Variants in GTF2E2 observed in about 807,000 individuals in gnomAD.
GTF2E2 encodes the protein general transcription factor IIE subunit 2.
Under a neutral mutation model 40.5 loss-of-function variants are expected in GTF2E2, and 21 were observed. The observed-to-expected ratio is 0.52, with a 90% CI of 0.37 to 0.75. The LOEUF is 0.75. Ranked by LOEUF, GTF2E2 falls within the 30% of genes least tolerant of loss-of-function variation. GTF2E2 has a pLI of 0.00. For missense variants in GTF2E2, 298 were observed against 338.4 expected (o/e 0.88, Z 0.94); for synonymous variants, 117 against 121.6 (o/e 0.96, Z 0.25).
intron 6 of GTF2E2, among the ~76,000 whole-genome samples, chr8:30,590,694 CT>C (rs879811892): frequency 0.017 from 2,523 of 145,574 alleles, 66 homozygotes; most frequent in African/African-American, 0.055. Context: ...AAATCAAAAA[CT>C]TTTTTTTTTT....
chr8:30,648,991 T>G lies in GTF2E2; in HGVS notation c.166+4442A>C, dbSNP rs12680582. 8.7e-4 allele frequency among the ~76,000 whole-genome samples: 133 copies of G among 152,352 alleles called. 2 individuals are homozygous for G. The East Asian group carries it at 0.02, about 23-fold the overall frequency. ...GATGAAATTCGCTACCCAATACCTG[T>G]AGCCTAAACTACAAAATGCAAAGAC... On this transcript the variant is annotated intron_variant, in intron 2 of 7. Coordinates refer to ENST00000355904, the MANE Select transcript of GTF2E2 (RefSeq NM_002095.6).
intron 2 of GTF2E2, chr8:30,645,271 T>C (rs1802024720): frequency 6.7e-7 from 1 of 1,501,232 alleles, no homozygotes. Flanking sequence ...ATTTTCTACC[T>C]TTTTTATAGA....
intron 4 of GTF2E2, among the ~76,000 whole-genome samples, chr8:30,613,953 T>C (rs958831912): frequency 1.3e-5 from 2 of 152,248 alleles, no homozygotes; most frequent in Non-Finnish European, 1.5e-5. Context: ...CAAGCCATAA[T>C]AGCAGTAATT....
chr8:30,637,336 T>C, intron 2 of GTF2E2: 3 of 455,092 alleles, frequency 6.6e-6, no homozygotes, highest in Non-Finnish European at 1.3e-5. Flanking sequence ...CAATTATGAA[T>C]CACAAACAGT....
At chr8:30,602,140 C>T (rs1563481607) in intron 6 of GTF2E2, among the ~76,000 whole-genome samples, 1 of 152,018 alleles carries the variant, frequency 6.6e-6, no homozygotes, top group Non-Finnish European at 1.5e-5. Flanking sequence ...GTTTCAGCCT[C>T]CCAGGTAGCT....
chr8:30,641,250 A>G (rs1801813150), intron 2 of GTF2E2, among the ~76,000 whole-genome samples: 1 of 152,200 alleles, frequency 6.6e-6, no homozygotes, highest in South Asian at 2.1e-4. Context: ...TTTACAACAT[A>G]AACCTGACCT....
chr8:30,649,662 T>C (rs1037054216), intron 2 of GTF2E2, among the ~76,000 whole-genome samples: 3 of 152,104 alleles, frequency 2.0e-5, no homozygotes, highest in Non-Finnish European at 2.9e-5. Flanking sequence ...CTGACCAACA[T>C]GGCAAAACCC....
intron 2 of GTF2E2, chr8:30,643,448 G>A (rs1256292598): frequency 6.6e-6 from 1 of 152,242 alleles, no homozygotes; most frequent in Admixed American, 6.5e-5. Context: ...CACAAGGTCA[G>A]GAGTTTGAGA....
intron 2 of GTF2E2, chr8:30,643,715 C>A (rs12676308): frequency 6.7e-6 from 1 of 149,002 alleles, no homozygotes; most frequent in Admixed American, 6.7e-5. Context: ...TCAGATCATA[C>A]AAATCTCTCA....
chr8:30,646,929 G>A (rs375003641), intron 2 of GTF2E2, among the ~76,000 whole-genome samples: 8 of 123,368 alleles, frequency 6.5e-5, no homozygotes, highest in South Asian at 5.6e-4. Context: ...GCAGTGAGCC[G>A]AGATGATGCC....
At chr8:30,583,802 A>AT (rs34330402) in intron 6 of GTF2E2, among the ~76,000 whole-genome samples, 74 of 149,668 alleles carry the variant, frequency 4.9e-4, no homozygotes, top group East Asian at 2.4e-3. Context: ...TATTTATTTT[A>AT]TTTATTTATT....
chr8:30,635,019 G>T lies in GTF2E2; in HGVS notation c.258+13C>A. On this transcript the variant is annotated intron_variant, in intron 3 of 7. Coordinates refer to ENST00000355904, the MANE Select transcript of GTF2E2 (RefSeq NM_002095.6). ...GTTAAATAGGACTTTTGCTATCTGA[G>T]AAAAGTACTTACCTTCATGTAATTC... 6.9e-7 allele frequency: 1 copy of T among 1,449,394 alleles called. No homozygotes were observed. Among genetic ancestry groups the T allele is most frequent in the Non-Finnish European group, 9.6e-7 (1 of 1,040,204 alleles). 89.8% of individuals were successfully genotyped at this position (1,449,394 alleles called of 1,614,324 possible). A position where few individuals can be genotyped will look rare whatever the true frequency, so the allele number is the denominator to read the frequency against.
chr8:30,622,919 T>A (rs1022132191), intron 3 of GTF2E2, among the ~76,000 whole-genome samples: 3 of 152,082 alleles, frequency 2.0e-5, no homozygotes, highest in African/African-American at 7.3e-5. Context: ...GATTTCATAT[T>A]GTTCAAACAC....
At chr8:30,593,156 A>T (rs537825549) in intron 6 of GTF2E2, among the ~76,000 whole-genome samples, 2 of 152,296 alleles carry the variant, frequency 1.3e-5, no homozygotes, top group South Asian at 4.1e-4. Flanking sequence ...ACACCATTGC[A>T]CTCCAACCAG....
Position 30,635,138 on chromosome 8 carries a change from C to A in GTF2E2, c.167-15G>T, listed in dbSNP as rs1434077983. 4 of 1,393,210 alleles carry A rather than the reference C, an allele frequency of 2.9e-6. No homozygotes were observed. The highest frequency in any genetic ancestry group is 3.1e-6 in the Non-Finnish European group (3 of 982,982). 86.3% of individuals were successfully genotyped at this position (1,393,210 alleles called of 1,614,324 possible). A position where few individuals can be genotyped will look rare whatever the true frequency, so the allele number is the denominator to read the frequency against. ...ATTGCTATGATCTGCAAATGAAGTT[C>A]AAAATAACATCGTCATATTATGTGT... On this transcript the variant is annotated splice_polypyrimidine_tract_variant and intron_variant, in intron 2 of 7. Transcript: ENST00000355904.
intron 2 of GTF2E2, among the ~76,000 whole-genome samples, chr8:30,643,125 C>A (rs1801910486): frequency 6.6e-6 from 1 of 151,988 alleles, no homozygotes; most frequent in Non-Finnish European, 1.5e-5. Context: ...TTATCAACCC[C>A]AAAGATTTTA....
chr8:30,602,495 T>G (rs533675217), intron 6 of GTF2E2, among the ~76,000 whole-genome samples: 17 of 152,248 alleles, frequency 1.1e-4, no homozygotes, highest in African/African-American at 4.1e-4. Context: ...TCATTTGTTA[T>G]AAGAGTGTTC....
chr8:30,639,821 C>A (rs867747679), intron 2 of GTF2E2, among the ~76,000 whole-genome samples: 13 of 151,602 alleles, frequency 8.6e-5, no homozygotes, highest in Middle Eastern at 3.4e-3. Context: ...TTCAGCTAGC[C>A]TGAGCAAAGT....
chr8:30,624,158 G>A (rs1398357213), intron 3 of GTF2E2, among the ~76,000 whole-genome samples: 1 of 152,100 alleles, frequency 6.6e-6, no homozygotes, highest in African/African-American at 2.4e-5. Context: ...TAACATTTAA[G>A]TCTTTAATCC....
Sources: allele counts gnomAD v4.1 joint callset (sites outside exome capture counted in the v4.1 genomes callset), GRCh38; gene constraint gnomAD v4.1.1; transcripts MANE v1.5; gene names NCBI Gene and HGNC (gene_info 2026-07-23, HGNC 2026-07-21).